ARRB1: variants seen among roughly 807,000 people sequenced by gnomAD.
ARRB1 encodes the protein arrestin beta 1, also known as beta-arrestin-1.
ARRB1 carries 21 observed loss-of-function variants against 56.8 expected under a neutral mutation model. The ratio of observed to expected loss-of-function variants is 0.37; its 90% confidence interval spans 0.26 to 0.53. ARRB1 has a LOEUF of 0.53. Ranked by LOEUF, ARRB1 falls within the 20% of genes least tolerant of loss-of-function variation. The probability of loss-of-function intolerance (pLI) is 0.88; values close to 1 mark genes in which losing one functional copy is unlikely to be tolerated. For missense variants in ARRB1, 424 were observed against 553.7 expected (o/e 0.77, Z 2.35); for synonymous variants, 210 against 218.6 (o/e 0.96, Z 0.35).
At chr11:75,292,925 C>T (rs543435362) in intron 1 of ARRB1, among the ~76,000 whole-genome samples, 5 of 152,266 alleles carry the variant, frequency 3.3e-5, no homozygotes, top group African/African-American at 4.8e-5. Context: ...GCCAGGGGCT[C>T]GGTCAGGATT....
intron 3 of ARRB1, among the ~76,000 whole-genome samples, chr11:75,286,266 T>A (rs1946472023): frequency 1.6e-5 from 2 of 126,836 alleles, no homozygotes; most frequent in Non-Finnish European, 3.3e-5. Flanking sequence ...TTTTTTTTTT[T>A]TTTTTTTTTT....
At chr11:75,341,015 C>G (rs906760031) in intron 1 of ARRB1, among the ~76,000 whole-genome samples, 1 of 152,056 alleles carries the variant, frequency 6.6e-6, no homozygotes, top group Non-Finnish European at 1.5e-5. Context: ...CCTGTGCCCC[C>G]ACCCCCGCGC....
chr11:75,303,817 A>C (rs1489701638), intron 1 of ARRB1: 1 of 404,922 alleles, frequency 2.5e-6, no homozygotes, highest in East Asian at 7.2e-5. Flanking sequence ...GCCCCTGAGC[A>C]TCCAAACAGG....
At chr11:75,294,923 G>A (rs1946695741) in intron 1 of ARRB1, among the ~76,000 whole-genome samples, 1 of 151,936 alleles carries the variant, frequency 6.6e-6, no homozygotes. Flanking sequence ...ACACTTAGTG[G>A]CCTAAACCAA....
At chr11:75,341,358 G>A (rs998740834) in intron 1 of ARRB1, among the ~76,000 whole-genome samples, 1 of 151,956 alleles carries the variant, frequency 6.6e-6, no homozygotes, top group Middle Eastern at 3.4e-3. Context: ...GGCTGGTTTC[G>A]AACTCGTGAC....
At chr11:75,347,601 G>T (rs1456489188) in intron 1 of ARRB1, among the ~76,000 whole-genome samples, 1 of 152,194 alleles carries the variant, frequency 6.6e-6, no homozygotes, top group Non-Finnish European at 1.5e-5. Flanking sequence ...AGCCAGACAA[G>T]GCCCCCTCTC....
intron 1 of ARRB1, among the ~76,000 whole-genome samples, chr11:75,300,194 C>A (rs1222729752): frequency 9.4e-6 from 1 of 105,924 alleles, no homozygotes; most frequent in Non-Finnish European, 1.8e-5. Context: ...CACAGTGAGA[C>A]TCTGTCTCAA....
At chr11:75,323,213 T>G (rs927712788) in intron 1 of ARRB1, among the ~76,000 whole-genome samples, 1 of 152,254 alleles carries the variant, frequency 6.6e-6, no homozygotes, top group Non-Finnish European at 1.5e-5. Flanking sequence ...CCCAAACTCC[T>G]GACCTACAGA....
intron 1 of ARRB1, among the ~76,000 whole-genome samples, chr11:75,323,070 G>T (rs1464825849): frequency 1.3e-5 from 2 of 152,206 alleles, no homozygotes; most frequent in African/African-American, 2.4e-5. Context: ...CAATGAGAGA[G>T]AAAGAGAAAA....
intron 1 of ARRB1, among the ~76,000 whole-genome samples, chr11:75,327,278 G>T (rs1947451981): frequency 6.9e-6 from 1 of 145,186 alleles, no homozygotes; most frequent in Non-Finnish European, 1.5e-5. Flanking sequence ...CTCCAGCCTG[G>T]GTGACAGAGC....
chr11:75,347,704 T>C (rs1197570166), intron 1 of ARRB1, among the ~76,000 whole-genome samples: 1 of 152,160 alleles, frequency 6.6e-6, no homozygotes, highest in African/African-American at 2.4e-5. Context: ...AACAAATACT[T>C]AATCTCTTCT....
At chr11:75,276,405 A>G (rs1367384957) in intron 10 of ARRB1, among the ~76,000 whole-genome samples, 2 of 152,178 alleles carry the variant, frequency 1.3e-5, no homozygotes, top group African/African-American at 2.4e-5. Context: ...CTGCACTCCC[A>G]CACACAACCC....
chr11:75,289,374 C>T (rs1360754619), intron 2 of ARRB1, among the ~76,000 whole-genome samples: 5 of 152,214 alleles, frequency 3.3e-5, no homozygotes, highest in African/African-American at 1.2e-4. Context: ...CTGGGTCCTG[C>T]AGCCCCAATG....
At chr11:75,317,026 A>C (rs1258944183) in intron 1 of ARRB1, among the ~76,000 whole-genome samples, 1 of 152,196 alleles carries the variant, frequency 6.6e-6, no homozygotes, top group Non-Finnish European at 1.5e-5. Context: ...AGATCGAGCT[A>C]CTACTGCCCT....
At chr11:75,266,998 G>A (rs755613240) in intron 15 of ARRB1, among the ~76,000 whole-genome samples, 1 of 152,198 alleles carries the variant, frequency 6.6e-6, no homozygotes, top group Non-Finnish European at 1.5e-5. Context: ...TTAGGACCAT[G>A]CAGGTGTCCA....
chr11:75,286,838 C>T (rs1247186833), intron 3 of ARRB1, among the ~76,000 whole-genome samples: 1 of 152,190 alleles, frequency 6.6e-6, no homozygotes, highest in Non-Finnish European at 1.5e-5. Context: ...AGGGTTCTCC[C>T]TCTGTCTCCC....
At chr11:75,280,086 T>C (rs1274790924) in intron 7 of ARRB1, among the ~76,000 whole-genome samples, 3 of 152,186 alleles carry the variant, frequency 2.0e-5, no homozygotes, top group Non-Finnish European at 4.4e-5. Flanking sequence ...ATCATTATTA[T>C]TAGTAACTCC....
intron 11 of ARRB1, 78 bp from the exon 12 acceptor site, chr11:75,273,056 G>T: frequency 8.0e-7 from 1 of 1,252,304 alleles, no homozygotes; most frequent in Non-Finnish European, 1.1e-6. Context: ...TATGCTGGGG[G>T]GCAGTGGCCG....
chr11:75,346,965 T>A (rs894734797), intron 1 of ARRB1, among the ~76,000 whole-genome samples: 3 of 152,218 alleles, frequency 2.0e-5, no homozygotes, highest in Non-Finnish European at 4.4e-5. Context: ...CTCAGCCAGA[T>A]GGTAGGCGCG....
Sources: allele counts gnomAD v4.1 joint callset (sites outside exome capture counted in the v4.1 genomes callset), GRCh38; gene constraint gnomAD v4.1.1; transcripts MANE v1.5; gene names NCBI Gene and HGNC (gene_info 2026-07-23, HGNC 2026-07-21).